Variants in CMSS1 observed in about 807,000 individuals in gnomAD.
CMSS1 encodes protein CMSS1.
A neutral mutation model predicts 43.5 loss-of-function variants in CMSS1; 33 were observed. The observed-to-expected ratio is 0.76, with a 90% CI of 0.57 to 1.01. The LOEUF is 1.01. Among genes scored for constraint, CMSS1 ranks in the 50% least tolerant of loss-of-function variants. CMSS1 has a pLI of 0.00. For synonymous variants in CMSS1, 115 were observed against 117.2 expected (o/e 0.98, Z 0.12); for missense variants, 313 against 326.4 (o/e 0.96, Z 0.32).
In CMSS1 at chr3:100,014,883, T is replaced by C. The variant is rs557974965; in HGVS notation, c.65-132090T>C. Among the ~76,000 whole-genome samples, 414 of 125,378 alleles carry C rather than the reference T, an allele frequency of 3.3e-3. 2 individuals carry two copies. Among genetic ancestry groups the C allele is most frequent in the African/African-American group, 0.011 (390 of 35,268 alleles). 82.3% of individuals were successfully genotyped at this position (125,378 alleles called of 152,430 possible). A position where few individuals can be genotyped will look rare whatever the true frequency, so the allele number is the denominator to read the frequency against. ...TTTGTCTTTTTCTTTTCTTTTTTTTTTTTCTTTCTTTCTTTTTTTTTTTTT... is the reference window on the plus strand; with the variant it reads ...TTTGTCTTTTTCTTTTCTTTTTTTTCTTTCTTTCTTTCTTTTTTTTTTTTT... On this transcript the variant is annotated intron_variant, in intron 1 of 9. Coordinates refer to ENST00000421999, the MANE Select transcript of CMSS1 (RefSeq NM_032359.4).
intron 1 of CMSS1, among the ~76,000 whole-genome samples, chr3:99,965,814 T>C (rs1708632912): frequency 6.6e-6 from 1 of 152,188 alleles, no homozygotes; most frequent in Non-Finnish European, 1.5e-5. Flanking sequence ...ATAAACTGCA[T>C]GCTGTTTGCA....
chr3:99,893,332 AT>A (rs1706149842), intron 1 of CMSS1, among the ~76,000 whole-genome samples: 1 of 151,616 alleles, frequency 6.6e-6, no homozygotes, highest in African/African-American at 2.4e-5. Flanking sequence ...CGCCCGGCTA[AT>A]TTTTTGTATT....
intron 1 of CMSS1, among the ~76,000 whole-genome samples, chr3:99,989,157 G>A (rs1480816676): frequency 6.6e-6 from 1 of 152,190 alleles, no homozygotes; most frequent in East Asian, 1.9e-4. Flanking sequence ...TGTATGACAT[G>A]GGTATTATAA....
At chr3:100,020,021 G>A (rs1429543906) in intron 1 of CMSS1, among the ~76,000 whole-genome samples, 1 of 152,124 alleles carries the variant, frequency 6.6e-6, no homozygotes, top group Non-Finnish European at 1.5e-5. Context: ...CACTGATTCA[G>A]TAATTACCCT....
At chr3:99,979,575 T>G (rs192327220) in intron 1 of CMSS1, among the ~76,000 whole-genome samples, 165 of 152,328 alleles carry the variant, frequency 1.1e-3, no homozygotes, top group African/African-American at 3.8e-3. Flanking sequence ...ATAAAACTCC[T>G]TAATGAAAAT....
intron 1 of CMSS1, among the ~76,000 whole-genome samples, chr3:99,952,653 G>A (rs1365768855): frequency 6.6e-6 from 1 of 152,120 alleles, no homozygotes; most frequent in African/African-American, 2.4e-5. Context: ...GAGAAAGAGA[G>A]CACTGTTCAA....
chr3:100,073,399 C>G (rs1384250154), intron 1 of CMSS1, among the ~76,000 whole-genome samples: 1 of 152,110 alleles, frequency 6.6e-6, no homozygotes, highest in Non-Finnish European at 1.5e-5. Flanking sequence ...AGCAAGCTGT[C>G]CTGTCATGAA....
intron 1 of CMSS1, among the ~76,000 whole-genome samples, chr3:99,974,227 A>G (rs1358713767): frequency 6.6e-6 from 1 of 151,940 alleles, no homozygotes; most frequent in Non-Finnish European, 1.5e-5. Flanking sequence ...TGTCGTTTTT[A>G]TCTTAGCTGA....
chr3:100,042,752 AT>A (rs373103041), intron 1 of CMSS1, among the ~76,000 whole-genome samples: 413 of 152,208 alleles, frequency 2.7e-3, no homozygotes, highest in African/African-American at 9.4e-3. Flanking sequence ...TGCTATAACC[AT>A]TTCTTCCACA....
chr3:99,940,397 G>A (rs757859382), intron 1 of CMSS1, among the ~76,000 whole-genome samples: 1 of 152,138 alleles, frequency 6.6e-6, no homozygotes, highest in African/African-American at 2.4e-5. Flanking sequence ...GTTTTTCTTA[G>A]AAATACAGTG....
intron 1 of CMSS1, among the ~76,000 whole-genome samples, chr3:100,081,908 T>A (rs1045835731): frequency 3.9e-5 from 6 of 152,140 alleles, no homozygotes; most frequent in African/African-American, 1.4e-4. Flanking sequence ...CAATTAAAAA[T>A]GTCTCCAGAC....
intron 1 of CMSS1, among the ~76,000 whole-genome samples, chr3:100,098,854 T>G (rs1015357957): frequency 3.9e-5 from 6 of 152,226 alleles, no homozygotes; most frequent in Admixed American, 2.6e-4. Flanking sequence ...TAGGAAAACA[T>G]TTTTAAAGAT....
chr3:100,164,704 TG>T (rs374743474), intron 4 of CMSS1, among the ~76,000 whole-genome samples: 103 of 152,002 alleles, frequency 6.8e-4, no homozygotes, highest in African/African-American at 2.4e-3. Context: ...AAGCTAGATG[TG>T]GGGAAGGAGA....
intron 1 of CMSS1, among the ~76,000 whole-genome samples, chr3:99,942,685 C>A (rs759272168): frequency 8.6e-5 from 13 of 151,780 alleles, no homozygotes; most frequent in Non-Finnish European, 1.5e-4. Flanking sequence ...TATAACTAGC[C>A]GGGCATGGTG....
At chr3:100,100,261 T>C (rs1014255546) in intron 1 of CMSS1, among the ~76,000 whole-genome samples, 1 of 152,136 alleles carries the variant, frequency 6.6e-6, no homozygotes. Flanking sequence ...GGACAAGAGA[T>C]AGAACAGGAC....
chr3:99,884,075 A>G (rs775973627), intron 1 of CMSS1, among the ~76,000 whole-genome samples: 6 of 152,130 alleles, frequency 3.9e-5, no homozygotes, highest in Non-Finnish European at 5.9e-5. Flanking sequence ...GTGAGAATGG[A>G]TCTTGGAGAT....
chr3:100,012,914 C>T (rs891444989), intron 1 of CMSS1, among the ~76,000 whole-genome samples: 1 of 151,906 alleles, frequency 6.6e-6, no homozygotes, highest in Non-Finnish European at 1.5e-5. Flanking sequence ...GCTAGGATTA[C>T]AGACTGTGCC....
chr3:99,854,486 C>T (rs1943857203), intron 1 of CMSS1, among the ~76,000 whole-genome samples: 2 of 152,090 alleles, frequency 1.3e-5, no homozygotes, highest in Admixed American at 1.3e-4. Flanking sequence ...ATTATGACTC[C>T]TTTTTCCATT....
At chr3:100,124,072 C>T (rs1298882854) in intron 1 of CMSS1, among the ~76,000 whole-genome samples, 1 of 152,092 alleles carries the variant, frequency 6.6e-6, no homozygotes, top group Admixed American at 6.6e-5. Flanking sequence ...CAGTCTATGA[C>T]AGATACAGTT....
Sources: allele counts gnomAD v4.1 joint callset (sites outside exome capture counted in the v4.1 genomes callset), GRCh38; gene constraint gnomAD v4.1.1; transcripts MANE v1.5; gene names NCBI Gene and HGNC (gene_info 2026-07-23, HGNC 2026-07-21).